The following IP6K3 variants were observed in gnomAD, a reference collection of about 807,000 sequenced individuals.
IP6K3 encodes inositol hexakisphosphate kinase 3, also known as ATP:1D-myo-inositol-hexakisphosphate phosphotransferase.
IP6K3 carries 20 observed loss-of-function variants against 28.8 expected under a neutral mutation model. That is an observed-to-expected ratio of 0.70 (90% CI 0.49 to 1.01). The LOEUF is 1.01. IP6K3 is among the 50% of genes least tolerant of loss of function. IP6K3 has a pLI of 0.00. For missense variants in IP6K3, 480 were observed against 537.1 expected (o/e 0.89, Z 1.05); for synonymous variants, 213 against 221.3 (o/e 0.96, Z 0.33).
intron 1 of IP6K3, among the ~76,000 whole-genome samples, chr6:33,739,491 C>T (rs1217066297): frequency 2.0e-5 from 3 of 152,122 alleles, no homozygotes; most frequent in Admixed American, 6.5e-5. Flanking sequence ...TGGGTTTCGC[C>T]GCTGCTCGGG....
intron 1 of IP6K3, among the ~76,000 whole-genome samples, chr6:33,736,500 G>A: frequency 6.6e-6 from 1 of 152,166 alleles, no homozygotes; most frequent in South Asian, 2.1e-4. Flanking sequence ...TGCCTCCCGG[G>A]TTCAAGCGAT....
Position 33,728,312 on chromosome 6 carries a change from CAG to C in IP6K3, c.200-14_200-13del. On this transcript the variant is annotated splice_polypyrimidine_tract_variant and intron_variant, in intron 2 of 5. Coordinates refer to ENST00000293756, the MANE Select transcript of IP6K3 (RefSeq NM_054111.5). ...CACTGTGACGGTACCTGCAAACACACAGGGAAGGGGAGGGGAGGAGCCAGTTG... is the reference window on the plus strand; with the variant it reads ...CACTGTGACGGTACCTGCAAACACACGGAAGGGGAGGGGAGGAGCCAGTTG... 1 of 1,613,650 alleles carries C rather than the reference CAG, an allele frequency of 6.2e-7. No individual in the cohort carries two copies. The highest frequency in any genetic ancestry group is 8.5e-7 in the Non-Finnish European group (1 of 1,179,646).
At chr6:33,732,475 C>T (rs188142040) in intron 2 of IP6K3, among the ~76,000 whole-genome samples, 2 of 152,214 alleles carry the variant, frequency 1.3e-5, no homozygotes, top group Non-Finnish European at 2.9e-5. Context: ...GGGCAAGTCA[C>T]GCCCCCTCCC....
In IP6K3 at chr6:33,735,635, G is replaced by C; in HGVS notation, c.-159C>G. Reference sequence around the variant, plus strand: ...TCATAGCGCAGTTGTCCTCCTGTCTGTGGGTTCTCAGCGGGGTCCTCTGGA... The same window carrying C: ...TCATAGCGCAGTTGTCCTCCTGTCTCTGGGTTCTCAGCGGGGTCCTCTGGA... On this transcript the variant is annotated 5_prime_UTR_variant, in exon 2 of 6. Coordinates refer to ENST00000293756, the MANE Select transcript of IP6K3 (RefSeq NM_054111.5). 1.4e-6 allele frequency: 2 copies of C among 1,441,972 alleles called. No homozygotes were observed. The highest frequency in any genetic ancestry group is 1.8e-6 in the Non-Finnish European group (2 of 1,101,714). 89.3% of individuals were successfully genotyped at this position (1,441,972 alleles called of 1,614,324 possible). A position where few individuals can be genotyped will look rare whatever the true frequency, so the allele number is the denominator to read the frequency against.
chr6:33,733,062 G>A (rs1383543991), intron 2 of IP6K3, among the ~76,000 whole-genome samples: 4 of 152,186 alleles, frequency 2.6e-5, no homozygotes, highest in African/African-American at 7.2e-5. Context: ...TTCAGCCCAC[G>A]GGCTCTGTCT....
At chr6:33,730,918 T>C (rs115371460) in intron 2 of IP6K3, among the ~76,000 whole-genome samples, 1 of 152,268 alleles carries the variant, frequency 6.6e-6, no homozygotes, top group African/African-American at 2.4e-5. Context: ...TTCTGTTCCA[T>C]AGGAGAGAAC....
intron 1 of IP6K3, among the ~76,000 whole-genome samples, chr6:33,741,891 C>T (rs557040651): frequency 3.2e-4 from 49 of 151,512 alleles, no homozygotes; most frequent in South Asian, 1.5e-3. Context: ...GCGGAGGTTG[C>T]GGTGAGCCAA....
At chr6:33,760,108 T>C in the IP6K3 span, among the ~76,000 whole-genome samples, 123,974 of 152,184 alleles carry the variant, frequency 0.81, 50,752 homozygotes, top group East Asian at 0.98. Context: ...AATTGCTCCA[T>C]CTCTCAGCTA....
At chr6:33,734,460 A>C (rs909333713) in intron 2 of IP6K3, among the ~76,000 whole-genome samples, 4 of 152,162 alleles carry the variant, frequency 2.6e-5, no homozygotes, top group Admixed American at 2.6e-4. Context: ...CACCTTCACC[A>C]CCAATACTTT....
the IP6K3 span, among the ~76,000 whole-genome samples, chr6:33,752,090 G>T: frequency 6.6e-6 from 1 of 152,116 alleles, no homozygotes; most frequent in African/African-American, 2.4e-5. Flanking sequence ...CACCTCCCAG[G>T]CCAGGACAGT....
intron 2 of IP6K3, among the ~76,000 whole-genome samples, chr6:33,732,904 A>G (rs112055267): frequency 3.9e-5 from 6 of 152,222 alleles, no homozygotes; most frequent in African/African-American, 1.4e-4. Flanking sequence ...CCCCTACCCC[A>G]GGCATCTGAG....
chr6:33,752,015 C>A, the IP6K3 span, among the ~76,000 whole-genome samples: 1 of 152,222 alleles, frequency 6.6e-6, no homozygotes, highest in Non-Finnish European at 1.5e-5. Flanking sequence ...TGGCTGAGGC[C>A]CAGGGAAAAG....
At chr6:33,726,636 G>T in intron 4 of IP6K3, 95 bp downstream of exon 4, 1 of 1,264,724 alleles carries the variant, frequency 7.9e-7, no homozygotes, top group Non-Finnish European at 1.1e-6. Flanking sequence ...CATTGGCCCC[G>T]TGTTTGTGTG....
At chr6:33,750,257 C>T (rs959699245), upstream of IP6K3, among the ~76,000 whole-genome samples, 1 of 152,236 alleles carries the variant, frequency 6.6e-6, no homozygotes, top group African/African-American at 2.4e-5. The surrounding 1 kb of genome is among the most constrained non-coding windows in gnomAD (Gnocchi z 4.3). Context: ...CTCCTACAAG[C>T]CATTCTCCCC....
intron 3 of IP6K3, among the ~76,000 whole-genome samples, chr6:33,727,501 G>C (rs1766161862): frequency 6.6e-6 from 1 of 152,222 alleles, no homozygotes; most frequent in South Asian, 2.1e-4. Flanking sequence ...TATTTTCATT[G>C]TATTAGCTCC....
At chr6:33,728,427 C>G (rs1050552596) in intron 2 of IP6K3, 127 bp from the exon 3 acceptor site, 1 of 826,786 alleles carries the variant, frequency 1.2e-6, no homozygotes, top group Non-Finnish European at 1.9e-6. Context: ...TTCCCCAGCT[C>G]CTCTCTCAAG....
chr6:33,727,363 G>A (rs1468844145), intron 3 of IP6K3, among the ~76,000 whole-genome samples: 2 of 152,178 alleles, frequency 1.3e-5, no homozygotes, highest in Non-Finnish European at 2.9e-5. Context: ...GTGGACAGCG[G>A]CCGGCCCTCT....
At chr6:33,730,315 T>C (rs1021972457) in intron 2 of IP6K3, among the ~76,000 whole-genome samples, 1 of 152,236 alleles carries the variant, frequency 6.6e-6, no homozygotes, top group African/African-American at 2.4e-5. Context: ...TGCCTGTGCC[T>C]AGCTGAGCGG....
At chr6:33,760,106 C>T in the IP6K3 span, among the ~76,000 whole-genome samples, 2 of 152,190 alleles carry the variant, frequency 1.3e-5, no homozygotes, top group African/African-American at 2.4e-5. Flanking sequence ...TTAATTGCTC[C>T]ATCTCTCAGC....
Sources: gnomAD v4.1 joint callset for allele counts (sites outside exome capture counted in the v4.1 genomes callset) on GRCh38, gnomAD v4.1.1 for gene constraint, Gnocchi (gnomAD v3.1) non-coding constraint, MANE v1.5 for transcripts, NCBI Gene and HGNC (gene_info 2026-07-23, HGNC 2026-07-21) for gene names.